NDC80: variants seen among roughly 807,000 people sequenced by gnomAD.
The protein encoded by NDC80 is kinetochore protein NDC80 homolog.
NDC80 carries 69 observed loss-of-function variants against 89.3 expected under a neutral mutation model. The observed-to-expected ratio is 0.77, with a 90% CI of 0.64 to 0.94. The LOEUF (loss-of-function observed/expected upper bound fraction) is 0.94, where lower values mean the gene tolerates loss of function less well. Ranked by LOEUF, NDC80 falls within the 40% of genes least tolerant of loss-of-function variation. The probability of loss-of-function intolerance (pLI) is 0.00; values close to 1 mark genes in which losing one functional copy is unlikely to be tolerated. For missense variants in NDC80, 593 were observed against 739.6 expected, an observed-to-expected ratio of 0.80 and a Z score of 2.30; for synonymous variants, 243 against 255.6, an observed-to-expected ratio of 0.95 and a Z score of 0.47.
intron 6 of NDC80, among the ~76,000 whole-genome samples, chr18:2,583,260 TAAGACTCTCCTTG>T (rs1181421996): frequency 6.6e-6 from 1 of 152,230 alleles, no homozygotes; most frequent in Non-Finnish European, 1.5e-5. Flanking sequence ...TGTCCCTGTG[TAAGACTCTCCTTG>T]AATCTTGCAA....
At chr18:2,604,546 G>T (rs979548790) in intron 13 of NDC80, among the ~76,000 whole-genome samples, 1 of 152,210 alleles carries the variant, frequency 6.6e-6, no homozygotes, top group African/African-American at 2.4e-5. Flanking sequence ...GCTGGATGTA[G>T]TGGCATGCAC....
chr18:2,597,575 A>G (rs980073958), intron 11 of NDC80, among the ~76,000 whole-genome samples: 1 of 152,168 alleles, frequency 6.6e-6, no homozygotes, highest in Non-Finnish European at 1.5e-5. Flanking sequence ...TACTAAAAAT[A>G]CAAAAAGAAG....
chr18:2,592,374 GAGAC>G, intron 10 of NDC80, among the ~76,000 whole-genome samples: 2 of 140,318 alleles, frequency 1.4e-5, no homozygotes, highest in African/African-American at 5.4e-5. Flanking sequence ...TTTTTTTTGA[GAGAC>G]AGAGTGTCAC....
intron 6 of NDC80, among the ~76,000 whole-genome samples, chr18:2,580,219 A>G (rs563328514): frequency 2.7e-5 from 4 of 150,016 alleles, no homozygotes; most frequent in African/African-American, 9.8e-5. Flanking sequence ...TATAATATCT[A>G]CTCTTCTGAT....
chr18:2,601,280 T>C, intron 12 of NDC80, 116 bp from the exon 13 acceptor site: 1 of 402,832 alleles, frequency 2.5e-6, no homozygotes, highest in Non-Finnish European at 4.5e-6. Flanking sequence ...TTTAAAATGT[T>C]ATAACTTCAG....
chr18:2,596,371 G>A (rs1351546757), intron 11 of NDC80, among the ~76,000 whole-genome samples: 1 of 151,932 alleles, frequency 6.6e-6, no homozygotes, highest in Non-Finnish European at 1.5e-5. Context: ...CGAAGGACAT[G>A]AACAGACACT....
In NDC80 at chr18:2,595,512, A is replaced by G. The variant is rs1422163443; in HGVS notation, c.1112A>G (p.His371Arg). ...GTTGCAGACATTGAGCGAATAAATCATGAAAGAAATGAATTGCAGCAGACT... is the reference window on the plus strand; with the variant it reads ...GTTGCAGACATTGAGCGAATAAATCGTGAAAGAAATGAATTGCAGCAGACT... The part of the protein sequence containing the change: ...YSVADIERIN[H>R]ERNELQQTIN... The change falls in exon 11 of 17, where the codon CAT (histidine) becomes CGT (arginine). Residue 371 changes from histidine to arginine, a missense_variant. His to Arg is a conservative substitution (Grantham distance 29). Transcript: ENST00000261597. 1 of 1,613,948 alleles carries G rather than the reference A, an allele frequency of 6.2e-7. No homozygotes were observed. Among genetic ancestry groups the G allele is most frequent in the Non-Finnish European group, 8.5e-7 (1 of 1,179,848 alleles).
At chr18:2,574,629 T>TA (rs1307681245) in intron 2 of NDC80, among the ~76,000 whole-genome samples, 1 of 152,198 alleles carries the variant, frequency 6.6e-6, no homozygotes, top group African/African-American at 2.4e-5. Context: ...GGTTTTTTTT[T>TA]AACCTTGTTT....
chr18:2,573,243 G>A (rs2072528535), intron 2 of NDC80, among the ~76,000 whole-genome samples, 157 bp downstream of exon 2: 1 of 152,194 alleles, frequency 6.6e-6, no homozygotes, highest in Admixed American at 6.5e-5. Flanking sequence ...AAATCTAAAA[G>A]TGGGCATGAT....
chr18:2,610,575 A>G (rs993003334), intron 15 of NDC80, among the ~76,000 whole-genome samples, 184 bp from the exon 16 acceptor site: 10 of 152,324 alleles, frequency 6.6e-5, no homozygotes, highest in African/African-American at 2.4e-4. Flanking sequence ...AGGATCTTTG[A>G]AAATGTTTAT....
intron 1 of NDC80, among the ~76,000 whole-genome samples, chr18:2,572,057 C>A (rs2677894): frequency 8.6e-5 from 13 of 152,026 alleles, no homozygotes; most frequent in Non-Finnish European, 1.9e-4. Context: ...GTGTAGAAGT[C>A]TTCATCTTAA....
rs377218212 is a variant in NDC80, at chr18:2,595,620, C to T, written c.1220C>T (p.Ala407Val). 1.9e-5 allele frequency: 31 copies of T among 1,611,924 alleles called. No individual in the cohort carries two copies. Among genetic ancestry groups the T allele is most frequent in the African/African-American group, 1.9e-4 (14 of 74,832 alleles). ...TTAAAATATGCCAGAGGCAAAGAAG[C>T]GGTATGTCATACCATTTCCAGAGTG... is the stretch of plus-strand genomic sequence containing the variant. ...EELKYARGKE[A>V]IETQLAEYHK... is the part of the protein sequence containing the mutation. Residue 407 changes from alanine (A) to valine (V), a missense_variant and splice_region_variant, in exon 11 of 17, where the codon GCG becomes GTG. Ala to Val is a moderately conservative substitution (Grantham distance 64). Transcript: ENST00000261597.
intron 3 of NDC80, among the ~76,000 whole-genome samples, chr18:2,575,302 C>T (rs1434363638): frequency 6.6e-6 from 1 of 152,206 alleles, no homozygotes; most frequent in Non-Finnish European, 1.5e-5. Flanking sequence ...AAATTCTATA[C>T]CTAGCTTTCA....
intron 15 of NDC80, among the ~76,000 whole-genome samples, chr18:2,609,526 AAC>A (rs1414383733): frequency 2.6e-5 from 4 of 152,208 alleles, no homozygotes; most frequent in Admixed American, 1.3e-4. Flanking sequence ...CTCCATCAGT[AAC>A]ACATATAAAC....
chr18:2,610,819 A>G lies in NDC80; in HGVS notation c.1749A>G (p.Gln583=), dbSNP rs754292271. 1.9e-6 allele frequency: 3 copies of G among 1,591,838 alleles called. No homozygotes were observed. Among genetic ancestry groups the G allele is most frequent in the Non-Finnish European group, 2.6e-6 (3 of 1,164,404 alleles). Residue 583 remains glutamine (Q), a synonymous_variant, in exon 16 of 17, where the codon CAA becomes CAG. Transcript: ENST00000261597. Reference sequence around the variant, plus strand: ...GACGAAAAGTGGGAAATAACTTGCAACGTCTGTTAGAGATGGTTGCTACAC... The same window carrying G: ...GACGAAAAGTGGGAAATAACTTGCAGCGTCTGTTAGAGATGGTTGCTACAC... ...EERRKVGNNL[Q]RLLEMVATHV... is the part of the protein sequence containing the mutation.
rs763877575 is a variant in NDC80 at position 2,599,057 on chromosome 18, A to G, written c.1260A>G (p.Arg420=). ...TAGCAGAGTATCACAAATTGGCTAG[A>G]AAATTAAAACTTATTCCTAAAGGTG... ...TQLAEYHKLA[R]KLKLIPKGAE... Residue 420 remains arginine (R), a synonymous_variant, in exon 12 of 17, where the codon AGA becomes AGG. Transcript: ENST00000261597. The G allele has an allele frequency of 6.2e-7, 1 of 1,611,992 alleles. No individual in the cohort carries two copies. The highest frequency in any genetic ancestry group is 8.5e-7 in the Non-Finnish European group (1 of 1,179,058).
intron 7 of NDC80, 51 bp from the exon 8 acceptor site, chr18:2,587,779 G>T: frequency 1.4e-6 from 2 of 1,442,354 alleles, no homozygotes; most frequent in South Asian, 1.2e-5. Context: ...AAGTGAAACA[G>T]ACCAAATAGA....
chr18:2,587,878 G>A lies in NDC80; in HGVS notation c.718G>A (p.Ala240Thr). Residue 240 changes from alanine (A) to threonine (T), a missense_variant, in exon 8 of 17, where the codon GCC becomes ACC. Transcript: ENST00000261597. The part of the protein sequence containing the change: ...IKCYESFMSG[A>T]DSFDEMNAEL... The stretch of plus-strand genomic sequence containing the variant: ...ATGCTATGAGAGTTTTATGAGTGGT[G>A]CCGACAGCTTTGATGAGATGAATGC... 2 of 1,613,812 alleles carry A rather than the reference G, an allele frequency of 1.2e-6. No individual in the cohort carries two copies. Among genetic ancestry groups the A allele is most frequent in the Non-Finnish European group, 8.5e-7 (1 of 1,179,762 alleles).
rs566363101 is a variant in NDC80 at position 2,599,627 on chromosome 18, G to A, written c.1374+456G>A. Among the ~76,000 whole-genome samples the A allele has an allele frequency of 7.2e-5, 11 of 152,250 alleles. No individual in the cohort carries two copies. The East Asian group carries it at 1.9e-3, about 27-fold the overall frequency. On this transcript the variant is annotated intron_variant, in intron 12 of 16. Transcript: ENST00000261597. ...AAGGGCACACATGAAGGCATAAAATGTATTAGAGTACTAAGAATACTGGTA... is the reference window on the plus strand; with the variant it reads ...AAGGGCACACATGAAGGCATAAAATATATTAGAGTACTAAGAATACTGGTA...
Sources: allele counts gnomAD v4.1 joint callset (sites outside exome capture counted in the v4.1 genomes callset), GRCh38; gene constraint gnomAD v4.1.1; transcripts MANE v1.5; gene names NCBI Gene and HGNC (gene_info 2026-07-23, HGNC 2026-07-21).